COL25A1: variants seen among roughly 807,000 people sequenced by gnomAD.
The protein encoded by COL25A1 is collagen type XXV alpha 1 chain, also known as collagen alpha-1(XXV) chain.
Under a neutral mutation model 128.4 loss-of-function variants are expected in COL25A1, and 103 were observed. The ratio of observed to expected loss-of-function variants is 0.80; its 90% CI spans 0.68 to 0.94. The LOEUF (loss-of-function observed/expected upper bound fraction) is 0.94. Among genes scored for constraint, COL25A1 ranks in the 40% least tolerant of loss-of-function variants. COL25A1 has a pLI of 0.00. For missense variants in COL25A1, 745 were observed against 840.0 expected, an observed-to-expected ratio of 0.89 and a Z score of 1.40; for synonymous variants, 279 against 277.2, an observed-to-expected ratio of 1.01 and a Z score of -0.06.
intron 3 of COL25A1, among the ~76,000 whole-genome samples, chr4:109,170,454 T>G (rs1262332675): frequency 6.6e-6 from 1 of 152,108 alleles, no homozygotes; most frequent in African/African-American, 2.4e-5. Context: ...GTGTGAACTC[T>G]TACTGTCTAT....
At chr4:109,029,645 C>T (rs959982183) in intron 5 of COL25A1, among the ~76,000 whole-genome samples, 3 of 152,006 alleles carry the variant, frequency 2.0e-5, no homozygotes, top group African/African-American at 4.8e-5. Context: ...GAAACATATA[C>T]GTATAGGATT....
chr4:109,140,271 T>C (rs575290977), intron 3 of COL25A1, among the ~76,000 whole-genome samples: 3 of 152,318 alleles, frequency 2.0e-5, no homozygotes, highest in South Asian at 4.1e-4. Flanking sequence ...AAGGCCTTTG[T>C]TCTGTTCCGC....
chr4:108,871,237 G>A (rs1738668430), intron 19 of COL25A1, among the ~76,000 whole-genome samples: 1 of 152,148 alleles, frequency 6.6e-6, no homozygotes, highest in Non-Finnish European at 1.5e-5. Flanking sequence ...AAATTCAGGG[G>A]AAAATTTATT....
At chr4:109,183,753 G>A (rs558348347) in intron 3 of COL25A1, among the ~76,000 whole-genome samples, 7 of 152,074 alleles carry the variant, frequency 4.6e-5, no homozygotes, top group East Asian at 3.9e-4. Flanking sequence ...GGCACAACAC[G>A]TATGCCCGTA....
At chr4:108,897,253 C>T (rs1305981590) in intron 15 of COL25A1, among the ~76,000 whole-genome samples, 1 of 152,182 alleles carries the variant, frequency 6.6e-6, no homozygotes, top group South Asian at 2.1e-4. Flanking sequence ...ACATGGTTTG[C>T]ATTTGTGAAA....
At chr4:109,239,424 T>TATATATATATA in intron 3 of COL25A1, among the ~76,000 whole-genome samples, 1 of 107,250 alleles carries the variant, frequency 9.3e-6, no homozygotes, top group African/African-American at 3.3e-5. Flanking sequence ...ATATATATAT[T>TATATATATATA]TATTTATTTA....
intron 3 of COL25A1, among the ~76,000 whole-genome samples, chr4:109,298,864 T>C (rs1725243654): frequency 6.6e-6 from 1 of 152,076 alleles, no homozygotes; most frequent in Non-Finnish European, 1.5e-5. Context: ...CAGCTATTAG[T>C]GGGAGCCAAC....
intron 11 of COL25A1, among the ~76,000 whole-genome samples, chr4:108,930,106 G>C (rs771693747): frequency 3.7e-4 from 57 of 152,074 alleles, no homozygotes; most frequent in Middle Eastern, 3.2e-3. Context: ...TTAGCTTGGG[G>C]GAGTGTGAAA....
At chr4:108,881,555 G>A (rs565048094) in intron 19 of COL25A1, among the ~76,000 whole-genome samples, 1 of 152,174 alleles carries the variant, frequency 6.6e-6, no homozygotes, top group Non-Finnish European at 1.5e-5. Flanking sequence ...TCCATATATG[G>A]TGGTTTCATC....
At chr4:109,173,600 C>A (rs548527022) in intron 3 of COL25A1, among the ~76,000 whole-genome samples, 1 of 151,920 alleles carries the variant, frequency 6.6e-6, no homozygotes, top group South Asian at 2.1e-4. Flanking sequence ...TATGAGCCAC[C>A]AAATGGCAAA....
At chr4:109,036,691 TA>T (rs1759393221) in intron 5 of COL25A1, among the ~76,000 whole-genome samples, 1 of 152,236 alleles carries the variant, frequency 6.6e-6, no homozygotes, top group African/African-American at 2.4e-5. Context: ...GGATGGTTTT[TA>T]AAAACCAGTT....
At chr4:108,865,085 C>T (rs1737725713) in intron 20 of COL25A1, among the ~76,000 whole-genome samples, 1 of 152,120 alleles carries the variant, frequency 6.6e-6, no homozygotes, top group African/African-American at 2.4e-5. Context: ...AATTGCCCTC[C>T]AGGAAGATGG....
At chr4:108,889,673 G>C in intron 17 of COL25A1, 28 bp downstream of exon 17, 1 of 1,608,678 alleles carries the variant, frequency 6.2e-7, no homozygotes, top group East Asian at 2.2e-5. Context: ...AACTCCTGGA[G>C]TACAAATACT....
In COL25A1 at chr4:108,851,538, C is replaced by T. The variant is rs75647965; in HGVS notation, c.1389+698G>A. 1.1e-4 allele frequency among the ~76,000 whole-genome samples: 17 copies of T among 152,164 alleles called. 1 individual carries two copies. In the East Asian group the frequency reaches 2.1e-3, roughly 19 times the overall value. On this transcript the variant is annotated intron_variant, in intron 26 of 37. Coordinates refer to ENST00000399132, the MANE Select transcript of COL25A1 (RefSeq NM_198721.4). ...TGAATCTCCTACAAGAATCCAATGA[C>T]GAAAGTCATATTTCAACACATGTAG...
At chr4:109,100,726 G>A (rs193265820) in intron 3 of COL25A1, among the ~76,000 whole-genome samples, 64 of 152,208 alleles carry the variant, frequency 4.2e-4, no homozygotes, top group Non-Finnish European at 6.5e-4. Flanking sequence ...AGTAAGTACT[G>A]TTAATTATGA....
intron 6 of COL25A1, among the ~76,000 whole-genome samples, chr4:108,980,868 G>A (rs77394064): frequency 8.7e-4 from 133 of 152,340 alleles, no homozygotes; most frequent in Non-Finnish European, 1.8e-3. Flanking sequence ...GTCTGATGTG[G>A]ATCTTCTTTC....
intron 3 of COL25A1, among the ~76,000 whole-genome samples, chr4:109,180,077 T>G (rs1774484199): frequency 6.6e-6 from 1 of 152,176 alleles, no homozygotes; most frequent in Non-Finnish European, 1.5e-5. Context: ...ATACGTCTGG[T>G]TAGAGTGAAG....
intron 3 of COL25A1, among the ~76,000 whole-genome samples, chr4:109,134,251 G>A (rs558820673): frequency 1.3e-5 from 2 of 151,526 alleles, no homozygotes; most frequent in Non-Finnish European, 2.9e-5. Flanking sequence ...AGTAGGAGAT[G>A]ATAGGTTTTT....
chr4:108,996,360 A>C (rs891093688), intron 6 of COL25A1, among the ~76,000 whole-genome samples: 4 of 152,092 alleles, frequency 2.6e-5, no homozygotes, highest in African/African-American at 4.8e-5. Flanking sequence ...AAAACAACAA[A>C]GATCAAAAGA....
Sources: gnomAD v4.1 joint callset for allele counts (sites outside exome capture counted in the v4.1 genomes callset) on GRCh38, gnomAD v4.1.1 for gene constraint, MANE v1.5 for transcripts, NCBI Gene and HGNC (gene_info 2026-07-23, HGNC 2026-07-21) for gene names.